RBFOX1: variants seen among roughly 807,000 people sequenced by gnomAD.
RBFOX1 encodes the protein RNA binding protein fox-1 homolog 1.
In RBFOX1, 8 loss-of-function variants were observed where a neutral mutation model predicts 57.7. The observed-to-expected ratio is 0.14, with a 90% CI of 0.08 to 0.25. RBFOX1 has a LOEUF of 0.25. Ranked by LOEUF, RBFOX1 falls within the 10% of genes least tolerant of loss-of-function variation. The pLI is 1.00. For missense variants in RBFOX1, 611 were observed against 548.5 expected (o/e 1.11, Z -1.14); for synonymous variants, 326 against 222.4 (o/e 1.47, Z -4.15).
chr16:5,719,940 G>A (rs1363081723), intron 3 of RBFOX1, among the ~76,000 whole-genome samples: 2 of 152,106 alleles, frequency 1.3e-5, no homozygotes, highest in Admixed American at 6.6e-5. Context: ...CTGCTAGGAG[G>A]GATGGTGACT....
intron 5 of RBFOX1, among the ~76,000 whole-genome samples, chr16:7,572,800 C>G (rs1346854989): frequency 6.7e-6 from 1 of 150,180 alleles, no homozygotes; most frequent in African/African-American, 2.4e-5. Context: ...GATGGAGCCA[C>G]TGCACTCCAG....
chr16:5,435,230 G>A (rs2067879660), intron 1 of RBFOX1, among the ~76,000 whole-genome samples: 1 of 152,184 alleles, frequency 6.6e-6, no homozygotes, highest in South Asian at 2.1e-4. Context: ...TTCTCCATAT[G>A]CGTCTATGAA....
chr16:6,422,447 CCATGTATTAGTT>C (rs2093802201), intron 2 of RBFOX1, among the ~76,000 whole-genome samples: 1 of 151,970 alleles, frequency 6.6e-6, no homozygotes, highest in African/African-American at 2.4e-5. Flanking sequence ...CATCTTATGC[CCATGTATTAGTT>C]CACTTGTATT....
chr16:7,470,050 A>G (rs541273139), intron 4 of RBFOX1, among the ~76,000 whole-genome samples: 2 of 151,262 alleles, frequency 1.3e-5, no homozygotes, highest in South Asian at 2.1e-4. Context: ...ACATTGCATA[A>G]TATTCCATTG....
At chr16:6,883,034 A>G (rs2063280629) in intron 3 of RBFOX1, among the ~76,000 whole-genome samples, 2 of 152,206 alleles carry the variant, frequency 1.3e-5, no homozygotes, top group African/African-American at 4.8e-5. Context: ...TAGATAACCC[A>G]TATGTCTCCT....
intron 1 of RBFOX1, among the ~76,000 whole-genome samples, chr16:5,417,940 G>A (rs2067204108): frequency 2.6e-5 from 4 of 152,146 alleles, no homozygotes; most frequent in Admixed American, 2.6e-4. Flanking sequence ...AATTCGCTGG[G>A]TGTTGTGGTG....
At chr16:6,685,737 C>A (rs2059353458) in intron 3 of RBFOX1, among the ~76,000 whole-genome samples, 1 of 152,108 alleles carries the variant, frequency 6.6e-6, no homozygotes. Context: ...CCAATTTTAA[C>A]AATTTGGTGT....
chr16:5,630,662 T>G (rs2048478860), intron 3 of RBFOX1, among the ~76,000 whole-genome samples: 1 of 152,090 alleles, frequency 6.6e-6, no homozygotes, highest in African/African-American at 2.4e-5. Context: ...AACCAGCGTT[T>G]CCCAGAGAGA....
chr16:6,583,189 C>G (rs919943616), intron 2 of RBFOX1, among the ~76,000 whole-genome samples: 19 of 152,120 alleles, frequency 1.2e-4, no homozygotes, highest in Admixed American at 1.2e-3. Flanking sequence ...GCAAAAGGCC[C>G]AGGAGTAGTT....
At chr16:6,858,130 C>G (rs936759011) in intron 3 of RBFOX1, among the ~76,000 whole-genome samples, 1 of 152,152 alleles carries the variant, frequency 6.6e-6, no homozygotes, top group African/African-American at 2.4e-5. Context: ...TATTAAAATA[C>G]AGTTATTAAC....
rs115498146 is a variant in RBFOX1 at position 6,820,015 on chromosome 16, C to G, written c.-16+165365C>G. On this transcript the variant is annotated intron_variant, in intron 3 of 15. Transcript: ENST00000550418. ...TCTTGAATTGTAGTTCCCATAATCCCCATATGTCATGGGAGGCACCCAATA... is the reference window on the plus strand; with the variant it reads ...TCTTGAATTGTAGTTCCCATAATCCGCATATGTCATGGGAGGCACCCAATA... Among the ~76,000 whole-genome samples the G allele has an allele frequency of 4.3e-3, 650 of 152,234 alleles. 4 individuals carry two copies. The highest frequency in any genetic ancestry group is 0.015 in the African/African-American group (612 of 41,544).
At chr16:7,218,038 T>C (rs984164399) in intron 4 of RBFOX1, among the ~76,000 whole-genome samples, 3 of 151,252 alleles carry the variant, frequency 2.0e-5, no homozygotes, top group Non-Finnish European at 4.4e-5. Flanking sequence ...TGTGCGCGCG[T>C]GTGCGTGCAT....
chr16:6,402,286 T>G (rs747562617), intron 2 of RBFOX1, among the ~76,000 whole-genome samples: 1 of 152,106 alleles, frequency 6.6e-6, no homozygotes, highest in Non-Finnish European at 1.5e-5. Context: ...CTTCGGAAGC[T>G]TCCTATGTAG....
At chr16:6,399,924 C>T (rs370477805) in intron 2 of RBFOX1, among the ~76,000 whole-genome samples, 36 of 152,236 alleles carry the variant, frequency 2.4e-4, no homozygotes, top group East Asian at 7.7e-4. Flanking sequence ...CCCCAGATCT[C>T]GTGAGAACTC....
At chr16:5,440,195 G>A (rs1483239232) in intron 1 of RBFOX1, among the ~76,000 whole-genome samples, 1 of 152,142 alleles carries the variant, frequency 6.6e-6, no homozygotes, top group African/African-American at 2.4e-5. Context: ...TATTCACACC[G>A]CCATAACATT....
At chr16:7,575,949 T>A (rs1438869565) in intron 5 of RBFOX1, among the ~76,000 whole-genome samples, 1 of 152,132 alleles carries the variant, frequency 6.6e-6, no homozygotes, top group African/African-American at 2.4e-5. Flanking sequence ...TGTTTTTGTT[T>A]TAGAGGCAGA....
At position 7,203,962 on chromosome 16, in the gene RBFOX1, A is replaced by G. The variant is rs145809369; in HGVS notation, c.27+151864A>G. ...CATCTGCTTTACATAGGGCTGTACAAGCTGTGCTGTGTTCTCAAACATCAC... is the reference window on the plus strand; with the variant it reads ...CATCTGCTTTACATAGGGCTGTACAGGCTGTGCTGTGTTCTCAAACATCAC... On this transcript the variant is annotated intron_variant, in intron 4 of 15. Transcript: ENST00000550418. 4.7e-3 allele frequency among the ~76,000 whole-genome samples: 715 copies of G among 152,348 alleles called. 7 individuals are homozygous for G. Among genetic ancestry groups the G allele is most frequent in the African/African-American group, 0.015 (644 of 41,574 alleles).
intron 3 of RBFOX1, among the ~76,000 whole-genome samples, chr16:6,727,495 T>C (rs1331704671): frequency 1.3e-5 from 2 of 152,138 alleles, no homozygotes; most frequent in African/African-American, 4.8e-5. Context: ...AACTGGATTA[T>C]ACGCAAATTG....
At chr16:6,592,344 C>G (rs79059191) in intron 2 of RBFOX1, among the ~76,000 whole-genome samples, 2 of 152,206 alleles carry the variant, frequency 1.3e-5, no homozygotes, top group African/African-American at 2.4e-5. Flanking sequence ...TCTCCTTTCT[C>G]TTAGCTATCC....
Sources: allele counts gnomAD v4.1 joint callset (sites outside exome capture counted in the v4.1 genomes callset), GRCh38; gene constraint gnomAD v4.1.1; transcripts MANE v1.5; gene names NCBI Gene and HGNC (gene_info 2026-07-23, HGNC 2026-07-21).